MED12L: variants seen among roughly 807,000 people sequenced by gnomAD.
MED12L encodes mediator of RNA polymerase II transcription subunit 12-like protein.
A neutral mutation model predicts 281.3 loss-of-function variants in MED12L; 60 were observed. The ratio of observed to expected loss-of-function variants is 0.21; its 90% CI spans 0.17 to 0.26. MED12L has a LOEUF of 0.26. Ranked by LOEUF, MED12L falls within the 10% of genes least tolerant of loss-of-function variation. The pLI, the probability that MED12L is intolerant of heterozygous loss-of-function variation, is 1.00. For missense variants in MED12L, 2,146 were observed against 2,680.9 expected, an observed-to-expected ratio of 0.80 and a Z score of 4.41; for synonymous variants, 974 against 987.2, an observed-to-expected ratio of 0.99 and a Z score of 0.25.
chr3:151,248,956 C>T (rs1736312382), intron 16 of MED12L: 2 of 152,216 alleles, frequency 1.3e-5, no homozygotes, highest in Non-Finnish European at 2.9e-5. Context: ...ATTTTGCTCT[C>T]TGCTGGACTG....
chr3:151,159,845 T>G lies in MED12L; in HGVS notation c.851T>G (p.Phe284Cys). The G allele has an allele frequency of 6.2e-7, 1 of 1,613,836 alleles. No homozygotes were observed. The highest frequency in any genetic ancestry group is 1.1e-5 in the South Asian group (1 of 91,046). ...TCTACTTCTCAGTATTCAGATGAGT[T>G]TGTTCAGTCGGCCTACCTGTCTCGT... ...LPLMLQYSDE[F>C]VQSAYLSRRL... is the part of the protein sequence containing the mutation. The change falls in exon 8 of 45, where the codon TTT (phenylalanine) becomes TGT (cysteine). Residue 284 changes from phenylalanine to cysteine, a missense_variant. Around this residue, in one of 9 missense-constraint regions of MED12L, gnomAD observed 722 missense variants for 861.2 expected, o/e 0.84. Coordinates refer to ENST00000687756, the MANE Select transcript of MED12L (RefSeq NM_001393769.1).
At chr3:151,165,803 T>G in intron 10 of MED12L, 43 bp from the exon 11 acceptor site, 1 of 1,589,124 alleles carries the variant, frequency 6.3e-7, no homozygotes. Context: ...ATAACTGTGT[T>G]ATTTTTGGCC....
rs1716693363 is a variant in MED12L, at chr3:151,409,273, G to A, written c.5851G>A (p.Ala1951Thr). Residue 1951 changes from alanine to threonine, a missense_variant, in exon 40 of 45, where the codon GCT becomes ACT. Ala to Thr is a moderately conservative substitution (Grantham distance 58, BLOSUM62 0). Coordinates refer to ENST00000687756, the MANE Select transcript of MED12L (RefSeq NM_001393769.1). ...GCCGGGGGACCAGGCTGCTCTCTTTGCTGCGCAAGCACGGCCCTCCCCTCA... is the reference window on the plus strand; with the variant it reads ...GCCGGGGGACCAGGCTGCTCTCTTTACTGCGCAAGCACGGCCCTCCCCTCA... ...GQPGDQAALF[A>T]AQARPSPQLP... is the part of the protein sequence containing the mutation. The A allele has an allele frequency of 6.2e-7, 1 of 1,610,666 alleles. No individual in the cohort carries two copies. Among genetic ancestry groups the A allele is most frequent in the African/African-American group, 1.3e-5 (1 of 74,624 alleles).
At chr3:151,264,589 T>A (rs777070213) in intron 16 of MED12L, among the ~76,000 whole-genome samples, 1 of 152,208 alleles carries the variant, frequency 6.6e-6, no homozygotes, top group African/African-American at 2.4e-5. Flanking sequence ...CCTGAAATTG[T>A]TTCCCTCAAA....
At position 151,388,148 on chromosome 3, in the gene MED12L, G is replaced by A. The variant is rs757545258; in HGVS notation, c.5427G>A (p.Lys1809=). ...AGAAAACAAAAGGAAGGAAGCGCAA[G>A]ACGAAATCTAGCTCAAGAGTTGATG... ...EEKKTKGRKR[K]TKSSSRVDEY... is the part of the protein sequence containing the mutation. Residue 1809 remains lysine (K), a synonymous_variant, in exon 37 of 45, where the codon AAG becomes AAA. Coordinates refer to ENST00000687756, the MANE Select transcript of MED12L (RefSeq NM_001393769.1). The A allele has an allele frequency of 5.0e-6, 8 of 1,603,654 alleles. No homozygotes were observed. The highest frequency in any genetic ancestry group is 1.3e-5 in the African/African-American group (1 of 74,642).
chr3:151,420,865 C>T (rs746251979), intron 43 of MED12L, among the ~76,000 whole-genome samples: 6 of 152,104 alleles, frequency 3.9e-5, no homozygotes, highest in African/African-American at 4.8e-5. Context: ...TTGGCAGAGG[C>T]GTTGTGTTCA....
At chr3:151,097,339 T>C (rs983382636) in intron 2 of MED12L, among the ~76,000 whole-genome samples, 4 of 152,230 alleles carry the variant, frequency 2.6e-5, no homozygotes, top group African/African-American at 9.6e-5. Context: ...TTATTTTCCA[T>C]GTTTTGCACA....
chr3:151,320,121 T>C (rs965867572), intron 16 of MED12L, among the ~76,000 whole-genome samples: 1 of 152,192 alleles, frequency 6.6e-6, no homozygotes, highest in Non-Finnish European at 1.5e-5. Context: ...TCTTTGGCTT[T>C]TCTGCATTGG....
chr3:151,216,843 G>C (rs1728330987), intron 16 of MED12L, among the ~76,000 whole-genome samples: 1 of 152,160 alleles, frequency 6.6e-6, no homozygotes, highest in Admixed American at 6.5e-5. Context: ...GTCTGTGGCT[G>C]GTAACTAATT....
chr3:151,235,071 C>G (rs563130379), intron 16 of MED12L, among the ~76,000 whole-genome samples: 1 of 152,298 alleles, frequency 6.6e-6, no homozygotes, highest in South Asian at 2.1e-4. Flanking sequence ...CACTTAGTGC[C>G]TTTGGCAGGC....
intron 16 of MED12L, among the ~76,000 whole-genome samples, chr3:151,335,035 A>C (rs1750802070): frequency 6.6e-6 from 1 of 152,178 alleles, no homozygotes; most frequent in African/African-American, 2.4e-5. Context: ...ACATTTGAAA[A>C]GGGGTACACG....
intron 25 of MED12L, among the ~76,000 whole-genome samples, chr3:151,368,689 TATTTCATTTC>T (rs1175917645): frequency 0.087 from 3,468 of 40,046 alleles, 93 homozygotes; most frequent in Non-Finnish European, 0.11. Context: ...CATTTCATTT[TATTTCATTTC>T]ATTTCATTTC....
chr3:151,148,385 C>T (rs565221916), intron 5 of MED12L, among the ~76,000 whole-genome samples: 2 of 152,252 alleles, frequency 1.3e-5, no homozygotes, highest in African/African-American at 4.8e-5. Flanking sequence ...AATCTTTCAG[C>T]CATTCTTACT....
Position 151,390,122 on chromosome 3 carries a change from A to G in MED12L, c.5595A>G (p.Gln1865=), listed in dbSNP as rs762785473. The change falls in exon 38 of 45, where the codon CAA becomes CAG. Residue 1865 remains glutamine (Q), a synonymous_variant. Transcript: ENST00000687756. ...AGCCCGGCTTTTTCCTTCAGAACCA[A>G]TCTCTTACTCCAGGTATGTGATGAG... The part of the protein sequence containing the change: ...PQQPGFFLQN[Q]SLTPGGSRLD... 2.5e-6 allele frequency: 4 copies of G among 1,613,996 alleles called. No individual in the cohort carries two copies. The highest frequency in any genetic ancestry group is 2.2e-5 in the South Asian group (2 of 91,074).
At chr3:151,367,468 T>G (rs1329167746) in intron 23 of MED12L, among the ~76,000 whole-genome samples, 178 bp from the exon 24 acceptor site, 1 of 152,226 alleles carries the variant, frequency 6.6e-6, no homozygotes, top group East Asian at 1.9e-4. Context: ...CATTCATTGT[T>G]TTATAAAATA....
intron 5 of MED12L, among the ~76,000 whole-genome samples, chr3:151,141,939 C>G (rs1374208906): frequency 6.6e-6 from 1 of 152,156 alleles, no homozygotes; most frequent in Non-Finnish European, 1.5e-5. Context: ...AATCAGTCAT[C>G]TTCTATGATA....
intron 16 of MED12L, among the ~76,000 whole-genome samples, chr3:151,222,257 ACT>A (rs1267986601): frequency 6.6e-6 from 1 of 151,992 alleles, no homozygotes; most frequent in Non-Finnish European, 1.5e-5. Flanking sequence ...CTGGGATGAG[ACT>A]CTGGACTGTG....
intron 16 of MED12L, among the ~76,000 whole-genome samples, chr3:151,234,814 C>T (rs1391651583): frequency 6.6e-6 from 1 of 152,212 alleles, no homozygotes; most frequent in Non-Finnish European, 1.5e-5. Context: ...ATCATTAACC[C>T]TGCTGTCAAG....
At chr3:151,193,454 A>G (rs776099957) in intron 15 of MED12L, 36 bp from the exon 16 acceptor site, 5 of 1,581,618 alleles carry the variant, frequency 3.2e-6, no homozygotes, top group Non-Finnish European at 4.3e-6. Flanking sequence ...GCTGGCTTTC[A>G]TTTACAATCT....
Sources: gnomAD v4.1 joint callset for allele counts (sites outside exome capture counted in the v4.1 genomes callset) on GRCh38, gnomAD v4.1.1 for gene constraint, gnomAD v4.1.1 regional missense constraint, MANE v1.5 for transcripts, NCBI Gene and HGNC (gene_info 2026-07-23, HGNC 2026-07-21) for gene names.